Variants in SYDE2 observed in about 807,000 individuals in gnomAD.
SYDE2 encodes synapse defective Rho GTPase homolog 2.
A neutral mutation model predicts 91.5 loss-of-function variants in SYDE2; 76 were observed. The observed-to-expected ratio is 0.83, with a 90% CI of 0.69 to 1.01. The LOEUF (loss-of-function observed/expected upper bound fraction) is 1.01. Among genes scored for constraint, SYDE2 ranks in the 50% least tolerant of loss-of-function variants. The pLI, the probability that SYDE2 is intolerant of heterozygous loss-of-function variation, is 0.00. For synonymous variants in SYDE2, 513 were observed against 506.4 expected, an observed-to-expected ratio of 1.01 and a Z score of -0.18; for missense variants, 1,364 against 1,367.7, an observed-to-expected ratio of 1.00 and a Z score of 0.04.
At chr1:85,186,532 A>G (rs1344563353) in intron 2 of SYDE2, among the ~76,000 whole-genome samples, 1 of 152,050 alleles carries the variant, frequency 6.6e-6, no homozygotes, top group African/African-American at 2.4e-5. Context: ...TTCATATGGA[A>G]CCAAAAAAGA....
Position 85,190,197 on chromosome 1 carries a change from G to C in SYDE2, c.1301C>G (p.Thr434Ser). ...AGGATTCATTCCATTTGACCGTGTGGTCTGAATATCACCTGCATGTTCGGA... is the reference window on the plus strand; with the variant it reads ...AGGATTCATTCCATTTGACCGTGTGCTCTGAATATCACCTGCATGTTCGGA... ...CSSEHAGDIQ[T>S]TRSNGMNPIH... is the part of the protein sequence containing the mutation. The change falls in exon 2 of 7, where the codon ACC becomes AGC. Residue 434 changes from threonine to serine, a missense_variant. By Grantham distance (58) the Thr-to-Ser change is moderately conservative (BLOSUM62 1). Coordinates refer to ENST00000341460, the MANE Select transcript of SYDE2 (RefSeq NM_032184.2). 1 of 1,613,906 alleles carries C rather than the reference G, an allele frequency of 6.2e-7. No homozygotes were observed.
intron 4 of SYDE2, among the ~76,000 whole-genome samples, chr1:85,175,547 T>TA (rs559007506): frequency 7.9e-5 from 12 of 151,532 alleles, no homozygotes; most frequent in East Asian, 1.9e-4. Flanking sequence ...GCACTTGATT[T>TA]AAAAAAAAAC....
At chr1:85,167,463 T>C (rs1441539107) in intron 5 of SYDE2, among the ~76,000 whole-genome samples, 1 of 152,206 alleles carries the variant, frequency 6.6e-6, no homozygotes, top group Non-Finnish European at 1.5e-5. Flanking sequence ...TATTGACTGA[T>C]TGACTGACTG....
chr1:85,165,829 C>G (rs1657247355), intron 5 of SYDE2, among the ~76,000 whole-genome samples: 1 of 147,506 alleles, frequency 6.8e-6, no homozygotes, highest in Admixed American at 6.8e-5. Flanking sequence ...TTCTTCAAAA[C>G]TGTATTGAAG....
Position 85,158,848 on chromosome 1 carries a change from G to T in SYDE2, c.3487C>A (p.Arg1163=), listed in dbSNP as rs748089161. The change falls in exon 7 of 7, where the codon CGA becomes AGA. Residue 1163 remains arginine (R), a synonymous_variant. Transcript: ENST00000341460. The part of the protein sequence containing the change: ...TMQTVESTVD[R]KNNLKDLQES... ...TGTAGATCTTTGAGATTGTTTTTTC[G>T]ATCCACTGTAGACTCAACTGTCTGC... The T allele has an allele frequency of 5.3e-5, 41 of 773,776 alleles. 1 individual carries two copies. In the Middle Eastern group the frequency reaches 4.3e-3, roughly 81 times the overall value. The allele number at this position is 773,776 out of a possible 1,614,324, so 47.9% of individuals were successfully genotyped here.
chr1:85,173,330 C>G (rs756799917), intron 4 of SYDE2, among the ~76,000 whole-genome samples: 4 of 152,126 alleles, frequency 2.6e-5, no homozygotes, highest in Admixed American at 6.5e-5. Flanking sequence ...ACCACCAGAA[C>G]TAGGAAGATG....
In SYDE2 at chr1:85,169,170, A is replaced by G. The variant is rs762659121; in HGVS notation, c.2727T>C (p.Leu909=). Residue 909 remains leucine (L), a synonymous_variant, in exon 5 of 7, where the codon CTT becomes CTC. Transcript: ENST00000341460. ...ELPSPLITKQ[L]YEAVLDAMAK... is the part of the protein sequence containing the mutation. ...CCATTGCATCTAATACAGCCTCATA[A>G]AGCTGCTTTGTTATCAGAGGAGAAG... The G allele has an allele frequency of 1.9e-6, 3 of 1,613,772 alleles. No individual in the cohort carries two copies. In the South Asian group the frequency reaches 3.3e-5, roughly 18 times the overall value.
intron 3 of SYDE2, chr1:85,181,699 A>G (rs550529958): frequency 6.5e-6 from 1 of 154,730 alleles, no homozygotes; most frequent in South Asian, 2.0e-4. Flanking sequence ...CCAATATTAT[A>G]AATTCAGATA....
At chr1:85,155,541 G>A (rs1446590603), downstream of SYDE2, among the ~76,000 whole-genome samples, 1 of 152,146 alleles carries the variant, frequency 6.6e-6, no homozygotes, top group African/African-American at 2.4e-5. Flanking sequence ...ATTAAAGTAT[G>A]CAAAAGCCAT....
intron 5 of SYDE2, among the ~76,000 whole-genome samples, chr1:85,168,749 A>C (rs1308833500): frequency 2.0e-5 from 3 of 152,178 alleles, no homozygotes; most frequent in Non-Finnish European, 4.4e-5. Flanking sequence ...TCTTTTCAAT[A>C]TTTCTATAAT....
intron 1 of SYDE2, among the ~76,000 whole-genome samples, chr1:85,199,350 G>A (rs1658719268): frequency 6.6e-6 from 1 of 152,114 alleles, no homozygotes; most frequent in African/African-American, 2.4e-5. Flanking sequence ...TTTCAGGAAA[G>A]ATATTTTGAT....
Position 85,200,656 on chromosome 1 carries a change from C to T in SYDE2, c.341G>A (p.Arg114Gln), listed in dbSNP as rs1236311673. The T allele has an allele frequency of 2.6e-6, 4 of 1,538,872 alleles. No individual in the cohort carries two copies. The highest frequency in any genetic ancestry group is 1.4e-5 in the African/African-American group (1 of 73,082). The change falls in exon 1 of 7, where the codon CGG becomes CAG. Residue 114 changes from arginine to glutamine, a missense_variant. Coordinates refer to ENST00000341460, the MANE Select transcript of SYDE2 (RefSeq NM_032184.2). ...SDSWIRCGAH[R>Q]DWDEPPPRGG... ...ACGTGGCGGGGGCTCGTCCCAGTCCCGGTGCGCGCCGCACCTGATCCAGCT... is the reference window on the plus strand; with the variant it reads ...ACGTGGCGGGGGCTCGTCCCAGTCCTGGTGCGCGCCGCACCTGATCCAGCT...
chr1:85,173,398 T>G (rs1657572634), intron 4 of SYDE2, among the ~76,000 whole-genome samples: 1 of 152,220 alleles, frequency 6.6e-6, no homozygotes, highest in Non-Finnish European at 1.5e-5. Flanking sequence ...ATGCTGATTC[T>G]GAACTTCCAG....
At chr1:85,191,487 C>T (rs1373087937) in intron 1 of SYDE2, among the ~76,000 whole-genome samples, 1 of 152,166 alleles carries the variant, frequency 6.6e-6, no homozygotes, top group Non-Finnish European at 1.5e-5. Context: ...AGGCCCTGCG[C>T]AGTGGCTAAT....
intron 3 of SYDE2, among the ~76,000 whole-genome samples, chr1:85,180,322 T>A (rs1657862578): frequency 1.3e-5 from 2 of 151,916 alleles, no homozygotes. Context: ...AGCCTCTCTC[T>A]ACTGGGGGTG....
rs750294750 is a variant in SYDE2, at chr1:85,182,475, T to C, written c.2167A>G (p.Thr723Ala). The change falls in exon 3 of 7, where the codon ACA becomes GCA. Residue 723 changes from threonine (T) to alanine (A), a missense_variant. Thr to Ala is a moderately conservative substitution (Grantham distance 58). Coordinates refer to ENST00000341460, the MANE Select transcript of SYDE2 (RefSeq NM_032184.2). ...GTGTGATCCATGTCTAAAAATGTTGTTCGGCATGTGAGCAAAGCTGTTCTT... is the reference window on the plus strand; with the variant it reads ...GTGTGATCCATGTCTAAAAATGTTGCTCGGCATGTGAGCAAAGCTGTTCTT... ...KARTALLTCRTTFLDMDHTFN... is the reference protein window; with the variant it reads ...KARTALLTCRATFLDMDHTFN... 10 of 1,613,684 alleles carry C rather than the reference T, an allele frequency of 6.2e-6. No individual in the cohort carries two copies. The highest frequency in any genetic ancestry group is 2.7e-5 in the African/African-American group (2 of 74,948).
At chr1:85,169,761 T>C (rs1298100243) in intron 4 of SYDE2, among the ~76,000 whole-genome samples, 5 of 152,114 alleles carry the variant, frequency 3.3e-5, no homozygotes, top group African/African-American at 1.2e-4. Flanking sequence ...TGCTACACTA[T>C]CATATGCAAG....
intron 6 of SYDE2, chr1:85,160,413 T>C (rs1315818067): frequency 3.4e-6 from 3 of 891,114 alleles, no homozygotes; most frequent in African/African-American, 3.6e-5. Flanking sequence ...GTTTTTAACA[T>C]TTCTATTGCA....
At chr1:85,181,039 T>C (rs557033512) in intron 3 of SYDE2, 3 of 151,874 alleles carry the variant, frequency 2.0e-5, no homozygotes, top group Non-Finnish European at 4.4e-5. Flanking sequence ...CAGAATGATG[T>C]ATCTGAGTTA....
Sources: gnomAD v4.1 joint callset for allele counts (sites outside exome capture counted in the v4.1 genomes callset) on GRCh38, gnomAD v4.1.1 for gene constraint, MANE v1.5 for transcripts, NCBI Gene and HGNC (gene_info 2026-07-23, HGNC 2026-07-21) for gene names.